ITCH: variants seen among roughly 807,000 people sequenced by gnomAD.
ITCH encodes itchy E3 ubiquitin protein ligase.
ITCH carries 28 observed loss-of-function variants against 126.8 expected under a neutral mutation model. The observed-to-expected ratio is 0.22, with a 90% CI of 0.16 to 0.30. ITCH has a LOEUF of 0.30. ITCH is among the 10% of genes least tolerant of loss of function. The pLI, the probability that ITCH is intolerant of heterozygous loss-of-function variation, is 1.00. For synonymous variants in ITCH, 342 were observed against 340.0 expected, an observed-to-expected ratio of 1.01 and a Z score of -0.06; for missense variants, 631 against 1,032.4, an observed-to-expected ratio of 0.61 and a Z score of 5.33.
intron 7 of ITCH, among the ~76,000 whole-genome samples, chr20:34,436,223 A>G (rs1568938262): frequency 6.6e-6 from 1 of 152,162 alleles, no homozygotes; most frequent in Non-Finnish European, 1.5e-5. Flanking sequence ...TGAATGTGCA[A>G]TTTAGTATGA....
In ITCH at chr20:34,470,031, C is replaced by T. The variant is rs1249781476; in HGVS notation, c.1425-17C>T. On this transcript the variant is annotated splice_polypyrimidine_tract_variant and intron_variant, in intron 14 of 24. Coordinates refer to ENST00000374864, the MANE Select transcript of ITCH (RefSeq NM_031483.7). ...CAAGCAGCTATATATGTCCTGTTAA[C>T]CCTTGTTCTTCCTCAGAGACAATGG... 1 of 1,605,568 alleles carries T rather than the reference C, an allele frequency of 6.2e-7. No individual in the cohort carries two copies. The highest frequency in any genetic ancestry group is 8.5e-7 in the Non-Finnish European group (1 of 1,172,202).
chr20:34,462,044 C>T (rs775129987), intron 13 of ITCH, 49 bp from the exon 14 acceptor site: 5 of 1,592,094 alleles, frequency 3.1e-6, no homozygotes, highest in Admixed American at 3.3e-5. Context: ...ACTTGGCAAA[C>T]AAGCAACTCT....
intron 24 of ITCH, among the ~76,000 whole-genome samples, chr20:34,505,036 GT>G (rs1399981476): frequency 5.9e-5 from 9 of 151,438 alleles, no homozygotes; most frequent in Non-Finnish European, 8.8e-5. Context: ...GGGTTTTTTT[GT>G]TTGTTTGTTT....
intron 20 of ITCH, among the ~76,000 whole-genome samples, chr20:34,486,366 C>T (rs1989116479): frequency 6.6e-6 from 1 of 151,166 alleles, no homozygotes; most frequent in Non-Finnish European, 1.5e-5. Flanking sequence ...TGCTCTGTCG[C>T]CCAGGCTGGA....
At chr20:34,440,437 T>C (rs1983597938) in intron 9 of ITCH, 93 bp downstream of exon 9, 4 of 948,248 alleles carry the variant, frequency 4.2e-6, no homozygotes, top group Non-Finnish European at 5.1e-6. Context: ...AACAGTAAAC[T>C]CCATTGTTTT....
intron 2 of ITCH, among the ~76,000 whole-genome samples, chr20:34,389,070 C>T (rs1478816199): frequency 2.0e-5 from 3 of 152,178 alleles, no homozygotes; most frequent in Non-Finnish European, 2.9e-5. Flanking sequence ...CTCTGAAGTA[C>T]GCCCTGTGGA....
Position 34,442,322 on chromosome 20 carries a change from AAAG to A in ITCH, c.965+22_965+24del. The A allele has an allele frequency of 6.6e-7, 1 of 1,507,974 alleles. No homozygotes were observed. The allele number at this position is 1,507,974 out of a possible 1,614,324, so 93.4% of individuals were successfully genotyped here. A position where few individuals can be genotyped will look rare whatever the true frequency, so the allele number is the denominator to read the frequency against. On this transcript the variant is annotated intron_variant, in intron 10 of 24. Transcript: ENST00000374864. ...CTCCTGGGTAAGTATCTAAATTTAAAAAGAATAATTTTATTTAGTCAGAATTGT... is the reference window on the plus strand; with the variant it reads ...CTCCTGGGTAAGTATCTAAATTTAAAAATAATTTTATTTAGTCAGAATTGT...
chr20:34,437,395 TC>T (rs1983157423), intron 7 of ITCH, among the ~76,000 whole-genome samples: 1 of 152,162 alleles, frequency 6.6e-6, no homozygotes, highest in African/African-American at 2.4e-5. Flanking sequence ...AACCTCCACT[TC>T]CCAGACTCAA....
At chr20:34,450,204 T>C (rs1056903839) in intron 12 of ITCH, among the ~76,000 whole-genome samples, 1 of 152,204 alleles carries the variant, frequency 6.6e-6, no homozygotes, top group Non-Finnish European at 1.5e-5. Flanking sequence ...TACGTAGTTA[T>C]ATAAGATGTC....
chr20:34,383,345 A>C (rs2038140858), intron 2 of ITCH, among the ~76,000 whole-genome samples: 1 of 146,438 alleles, frequency 6.8e-6, no homozygotes, highest in Non-Finnish European at 1.5e-5. Flanking sequence ...CCACCATGCC[A>C]GTCTTGGGCT....
chr20:34,463,238 C>A (rs1338717309), intron 14 of ITCH, among the ~76,000 whole-genome samples: 1 of 152,168 alleles, frequency 6.6e-6, no homozygotes, highest in Non-Finnish European at 1.5e-5. Context: ...TGGCGCACAC[C>A]TGTAATCCCG....
chr20:34,504,220 G>T, intron 23 of ITCH, 111 bp from the exon 24 acceptor site: 1 of 813,428 alleles, frequency 1.2e-6, no homozygotes. Flanking sequence ...TGGGGCCTGA[G>T]GATTTATGGT....
intron 2 of ITCH, 78 bp from the exon 3 acceptor site, chr20:34,393,713 A>G: frequency 1.2e-6 from 1 of 867,198 alleles, no homozygotes; most frequent in Non-Finnish European, 2.0e-6. Context: ...TCAGTAATAA[A>G]TAGCCAGGTT....
At chr20:34,409,296 G>T (rs1325496446) in intron 4 of ITCH, among the ~76,000 whole-genome samples, 1 of 152,012 alleles carries the variant, frequency 6.6e-6, no homozygotes, top group Non-Finnish European at 1.5e-5. Flanking sequence ...GGCCTCAAGA[G>T]ATCCTCCTGC....
chr20:34,462,302 G>A (rs73103130), intron 14 of ITCH, 81 bp downstream of exon 14: 42,717 of 1,428,500 alleles, frequency 0.03, 768 homozygotes, highest in Non-Finnish European at 0.035. Flanking sequence ...TTAGCAAGGA[G>A]TGGAAGTCTT....
chr20:34,400,387 T>C (rs527925282), intron 3 of ITCH, among the ~76,000 whole-genome samples: 2 of 152,156 alleles, frequency 1.3e-5, no homozygotes, highest in East Asian at 3.9e-4. Flanking sequence ...GCTGTTTAAA[T>C]GCAGAAAAGT....
intron 7 of ITCH, among the ~76,000 whole-genome samples, chr20:34,430,471 T>C (rs1265812488): frequency 6.6e-6 from 1 of 152,128 alleles, no homozygotes; most frequent in Non-Finnish European, 1.5e-5. Context: ...AATTTGATTT[T>C]GTTCTGTTTT....
chr20:34,498,563 T>C (rs549172973), intron 23 of ITCH, among the ~76,000 whole-genome samples: 4 of 152,344 alleles, frequency 2.6e-5, no homozygotes, highest in Non-Finnish European at 4.4e-5. Flanking sequence ...TTATTAAATA[T>C]TTTTTCTGCA....
intron 12 of ITCH, among the ~76,000 whole-genome samples, chr20:34,450,225 A>G (rs1397302632): frequency 6.6e-6 from 1 of 152,222 alleles, no homozygotes; most frequent in Non-Finnish European, 1.5e-5. Flanking sequence ...ACCATCGGAG[A>G]AAAATGAAGT....
Sources: allele counts gnomAD v4.1 joint callset (sites outside exome capture counted in the v4.1 genomes callset), GRCh38; gene constraint gnomAD v4.1.1; transcripts MANE v1.5; gene names NCBI Gene and HGNC (gene_info 2026-07-23, HGNC 2026-07-21).